DHX35: variants seen among roughly 807,000 people sequenced by gnomAD.
DHX35 encodes the protein DEAH-box helicase 35.
A neutral mutation model predicts 99.6 loss-of-function variants in DHX35; 84 were observed. The observed-to-expected ratio is 0.84, with a 90% CI of 0.71 to 1.01. The LOEUF (loss-of-function observed/expected upper bound fraction) is 1.01. Among genes scored for constraint, DHX35 ranks in the 50% least tolerant of loss-of-function variants. The pLI is 0.00. For synonymous variants in DHX35, 331 were observed against 316.2 expected (o/e 1.05, Z -0.50); for missense variants, 852 against 888.5 (o/e 0.96, Z 0.52).
At position 38,966,069 on chromosome 20, in the gene DHX35, C is replaced by T. The variant is rs2085906044; in HGVS notation, c.41-3012C>T. ...CATTATTTAAAAAGTGCTGGTATGA[C>T]ATACTACATTGATTTCATAACCCAC... On this transcript the variant is annotated intron_variant, in intron 1 of 21. Coordinates refer to ENST00000252011, the MANE Select transcript of DHX35 (RefSeq NM_021931.4). Among the ~76,000 whole-genome samples, 2 of 152,156 alleles carry T rather than the reference C, an allele frequency of 1.3e-5. 1 individual carries two copies. The highest frequency in any genetic ancestry group is 4.1e-4 in the South Asian group (2 of 4,830).
chr20:39,013,884 T>C (rs751392318), intron 13 of DHX35, among the ~76,000 whole-genome samples: 10 of 152,242 alleles, frequency 6.6e-5, no homozygotes, highest in Non-Finnish European at 1.0e-4. Context: ...TGTGTTCACC[T>C]GTGTGTACGG....
Position 39,030,894 on chromosome 20 carries a change from G to A in DHX35, c.1955+119G>A. The A allele has an allele frequency of 2.7e-6, 3 of 1,105,574 alleles. No individual in the cohort carries two copies. The Admixed American group carries it at 6.3e-5, about 23-fold the overall frequency. The allele number at this position is 1,105,574 out of a possible 1,614,324, so 68.5% of individuals were successfully genotyped here. A position where few individuals can be genotyped will look rare whatever the true frequency, so the allele number is the denominator to read the frequency against. ...ATTGCTGCTCTGGGCCGGGCGTGGTGGCTCACGCCTGTAATCCCAGCACTT... is the reference window on the plus strand; with the variant it reads ...ATTGCTGCTCTGGGCCGGGCGTGGTAGCTCACGCCTGTAATCCCAGCACTT... On this transcript the variant is annotated intron_variant, in intron 20 of 21. Transcript: ENST00000252011.
chr20:38,988,205 C>A (rs535916311), intron 4 of DHX35, among the ~76,000 whole-genome samples: 1 of 152,216 alleles, frequency 6.6e-6, no homozygotes, highest in Non-Finnish European at 1.5e-5. Context: ...TTCTCATTGG[C>A]TTTGATCTTT....
At chr20:39,012,327 A>T (rs376546776) in intron 13 of DHX35, among the ~76,000 whole-genome samples, 1 of 152,228 alleles carries the variant, frequency 6.6e-6, no homozygotes, top group East Asian at 1.9e-4. Flanking sequence ...AAAGAAAAAC[A>T]TACAGTGACA....
At chr20:39,025,917 C>T (rs530218065) in intron 18 of DHX35, among the ~76,000 whole-genome samples, 3 of 152,222 alleles carry the variant, frequency 2.0e-5, no homozygotes, top group South Asian at 2.1e-4. Context: ...TGCTCAATCT[C>T]GCACTCTGTG....
chr20:39,028,136 G>A (rs1032412011), intron 18 of DHX35, among the ~76,000 whole-genome samples: 2 of 152,206 alleles, frequency 1.3e-5, no homozygotes, highest in Admixed American at 6.5e-5. Context: ...CCCAGCCATG[G>A]TCCAGTCATC....
At position 38,992,424 on chromosome 20, in the gene DHX35, A is replaced by C. The variant is rs771386079; in HGVS notation, c.581A>C (p.Lys194Thr). ...YTDIAIGLLKKIQKKRGDLRL... is the reference protein window; with the variant it reads ...YTDIAIGLLKTIQKKRGDLRL... The stretch of plus-strand genomic sequence containing the variant: ...GACATTGCCATTGGCTTGCTAAAAA[A>C]GGTATGACTTCACTGCCAGCTTTTC... Residue 194 changes from lysine (K) to threonine (T), a missense_variant and splice_region_variant, in exon 7 of 22, where the codon AAG becomes ACG. Transcript: ENST00000252011. The C allele has an allele frequency of 1.1e-5, 18 of 1,614,032 alleles. No individual in the cohort carries two copies. The Admixed American group carries it at 2.8e-4, about 25-fold the overall frequency.
chr20:38,992,394 A>G lies in DHX35; in HGVS notation c.551A>G (p.Tyr184Cys). 1 of 1,614,156 alleles carries G rather than the reference A, an allele frequency of 6.2e-7. No homozygotes were observed. The highest frequency in any genetic ancestry group is 8.5e-7 in the Non-Finnish European group (1 of 1,180,004). The change falls in exon 7 of 22, where the codon TAC becomes TGC. Residue 184 changes from tyrosine (Y) to cysteine (C), a missense_variant. Transcript: ENST00000252011. ...MLDEAHERTLYTDIAIGLLKK... is the reference protein window; with the variant it reads ...MLDEAHERTLCTDIAIGLLKK... ...GATGAAGCCCACGAGAGGACCTTGT[A>G]CACTGACATTGCCATTGGCTTGCTA...
At chr20:38,967,999 A>G (rs2085934632) in intron 1 of DHX35, among the ~76,000 whole-genome samples, 1 of 151,896 alleles carries the variant, frequency 6.6e-6, no homozygotes, top group African/African-American at 2.4e-5. Flanking sequence ...ATTTCTCTCC[A>G]TAGCACTTAT....
In DHX35 at chr20:38,995,861, T is replaced by C. The variant is rs185215165; in HGVS notation, c.642+981T>C. ...AAGGTGGGGAAGGGCACCCTAAATA[T>C]AAGTGAAATCACAGGGACATGACCA... is the stretch of plus-strand genomic sequence containing the variant. On this transcript the variant is annotated intron_variant, in intron 8 of 21. Transcript: ENST00000252011. Among the ~76,000 whole-genome samples the C allele has an allele frequency of 7.2e-5, 11 of 152,238 alleles. No homozygotes were observed. In the East Asian group the frequency reaches 2.1e-3, roughly 29 times the overall value.
At chr20:39,001,700 G>A (rs1005239701) in intron 8 of DHX35, 30 bp from the exon 9 acceptor site, 5 of 1,544,794 alleles carry the variant, frequency 3.2e-6, no homozygotes, top group Non-Finnish European at 3.5e-6. Flanking sequence ...TTTTCTAAGA[G>A]AAATGAAGAA....
Position 39,021,944 on chromosome 20 carries a change from G to C in DHX35, c.1593+9G>C, listed in dbSNP as rs1303471096. ...ACCAGAAGTCTCACGCAGTAAGTCA[G>C]CTCTGTCCCCAGGCTGTCTGTACCA... On this transcript the variant is annotated intron_variant, in intron 16 of 21. Transcript: ENST00000252011. 1 of 1,613,940 alleles carries C rather than the reference G, an allele frequency of 6.2e-7. No homozygotes were observed.
At chr20:38,981,030 GC>G (rs2086163816) in intron 3 of DHX35, among the ~76,000 whole-genome samples, 1 of 152,092 alleles carries the variant, frequency 6.6e-6, no homozygotes, top group African/African-American at 2.4e-5. Flanking sequence ...TGTATTTTTG[GC>G]AAGAATACTA....
At chr20:38,995,005 C>G in intron 8 of DHX35, 125 bp downstream of exon 8, 1 of 729,868 alleles carries the variant, frequency 1.4e-6, no homozygotes, top group Non-Finnish European at 2.3e-6. Context: ...ATGGGACCAT[C>G]TGATGTCCTA....
chr20:38,980,649 T>C (rs1192033972), intron 3 of DHX35, among the ~76,000 whole-genome samples: 1 of 152,182 alleles, frequency 6.6e-6, no homozygotes, highest in African/African-American at 2.4e-5. Context: ...ACAGTCATTT[T>C]CTAAACTTTA....
At chr20:39,013,895 T>G (rs993745072) in intron 13 of DHX35, among the ~76,000 whole-genome samples, 4 of 152,216 alleles carry the variant, frequency 2.6e-5, no homozygotes, top group Non-Finnish European at 5.9e-5. Flanking sequence ...GTGTGTACGG[T>G]CACTACAACT....
In DHX35 at chr20:39,026,134, C is replaced by G. The variant is rs533740319; in HGVS notation, c.1801+775C>G. Reference sequence around the variant, plus strand: ...CAGGTACTCAGCCACATCCTCAGCACCATTAGTACTTGGTAACATTTCCTG... The same window carrying G: ...CAGGTACTCAGCCACATCCTCAGCAGCATTAGTACTTGGTAACATTTCCTG... On this transcript the variant is annotated intron_variant, in intron 18 of 21. Transcript: ENST00000252011. Among the ~76,000 whole-genome samples, 126 of 152,280 alleles carry G rather than the reference C, an allele frequency of 8.3e-4. 1 individual carries two copies. Among genetic ancestry groups the G allele is most frequent in the African/African-American group, 2.9e-3 (121 of 41,546 alleles).
chr20:39,017,552 C>T (rs1403843403), intron 14 of DHX35, among the ~76,000 whole-genome samples: 1 of 151,998 alleles, frequency 6.6e-6, no homozygotes, highest in Non-Finnish European at 1.5e-5. Context: ...ATAGAGGGAC[C>T]CCCCGCCTCC....
intron 3 of DHX35, among the ~76,000 whole-genome samples, chr20:38,972,883 T>G (rs575686600): frequency 2.6e-5 from 4 of 152,362 alleles, no homozygotes; most frequent in Non-Finnish European, 5.9e-5. Flanking sequence ...GGAATGGCCA[T>G]CTTCTGAAAG....
Sources: allele counts gnomAD v4.1 joint callset (sites outside exome capture counted in the v4.1 genomes callset), GRCh38; gene constraint gnomAD v4.1.1; transcripts MANE v1.5; gene names NCBI Gene and HGNC (gene_info 2026-07-23, HGNC 2026-07-21).